Variants in SETD7 observed in about 807,000 individuals in gnomAD.
SETD7 encodes SET domain containing 7, histone lysine methyltransferase.
SETD7 carries 16 observed loss-of-function variants against 41.8 expected under a neutral mutation model. That is an observed-to-expected ratio of 0.38 (90% CI 0.26 to 0.58). SETD7 has a LOEUF of 0.58. Ranked by LOEUF, SETD7 falls within the 20% of genes least tolerant of loss-of-function variation. The probability of loss-of-function intolerance (pLI) is 0.64; values close to 1 mark genes in which losing one functional copy is unlikely to be tolerated. For synonymous variants in SETD7, 163 were observed against 169.7 expected (o/e 0.96, Z 0.31); for missense variants, 346 against 459.7 (o/e 0.75, Z 2.26).
At chr4:139,519,018 C>A (rs1029994220) in intron 6 of SETD7, among the ~76,000 whole-genome samples, 20 of 152,136 alleles carry the variant, frequency 1.3e-4, no homozygotes, top group Admixed American at 3.9e-4. Flanking sequence ...TGTGATAGTC[C>A]CTCAACTGAT....
At chr4:139,538,472 GGT>G (rs917550158) in intron 2 of SETD7, among the ~76,000 whole-genome samples, 4 of 152,120 alleles carry the variant, frequency 2.6e-5, no homozygotes, top group African/African-American at 7.2e-5. Context: ...TGGGATTACA[GGT>G]GTGTGCCACC....
exon 8 of SETD7, chr4:139,496,340 CT>C (rs1560668648): frequency 2.9e-6 from 2 of 701,022 alleles, no homozygotes; most frequent in Non-Finnish European, 5.2e-6. Context: ...ATTCCATTCG[CT>C]TTTATCTTTT....
chr4:139,523,239 G>T, intron 5 of SETD7, 115 bp downstream of exon 5: 1 of 650,870 alleles, frequency 1.5e-6, no homozygotes, highest in Non-Finnish European at 2.7e-6. Flanking sequence ...TGAGGAGCTT[G>T]GTCTGAGCTG....
chr4:139,501,675 G>T (rs949117967), downstream of SETD7, among the ~76,000 whole-genome samples: 18 of 152,156 alleles, frequency 1.2e-4, no homozygotes, highest in African/African-American at 4.3e-4. Context: ...CACATCACAT[G>T]CCTAGAAAGT....
chr4:139,523,555 CCAA>C, intron 4 of SETD7, 120 bp from the exon 5 acceptor site: 1 of 614,208 alleles, frequency 1.6e-6, no homozygotes, highest in South Asian at 2.5e-5. Flanking sequence ...TCAAGTTATA[CCAA>C]CTAGAATGAA....
At chr4:139,519,594 C>T (rs1409809406) in intron 6 of SETD7, among the ~76,000 whole-genome samples, 2 of 152,202 alleles carry the variant, frequency 1.3e-5, no homozygotes, top group African/African-American at 4.8e-5. Flanking sequence ...AGCATTTTCC[C>T]TCTTACTGTT....
At chr4:139,503,061 C>A (rs1352324551), downstream of SETD7, among the ~76,000 whole-genome samples, 1 of 151,440 alleles carries the variant, frequency 6.6e-6, no homozygotes, top group Non-Finnish European at 1.5e-5. Context: ...TCCTGTAGTC[C>A]CAGCTACTTG....
At position 139,530,711 on chromosome 4, in the gene SETD7, A is replaced by G. The variant is rs538761414; in HGVS notation, c.373-1491T>C. Among the ~76,000 whole-genome samples the G allele has an allele frequency of 2.0e-5, 3 of 152,296 alleles. No individual in the cohort carries two copies. The East Asian group carries it at 5.8e-4, about 29-fold the overall frequency. On this transcript the variant is annotated intron_variant, in intron 3 of 7. Transcript: ENST00000274031. The stretch of plus-strand genomic sequence containing the variant: ...CTCACACCTTTCCCCTTAAATGTTT[A>G]AATTTCTGGTTTCAGAGGGAGTGAA...
rs1255955281 is a variant in SETD7, at chr4:139,556,108, C to T, written c.30G>A (p.Glu10=). The change falls in exon 1 of 8, where the codon GAG becomes GAA. Residue 10 remains glutamate (E), a synonymous_variant. Transcript: ENST00000274031. MDSDDEMVE[E]AVEGHLDDDG... ...GAGAAATGCTTGTACCTTCCACCGCCTCCTCCACCATCTCGTCGTCGCTAT... is the reference window on the plus strand; with the variant it reads ...GAGAAATGCTTGTACCTTCCACCGCTTCCTCCACCATCTCGTCGTCGCTAT... The T allele has an allele frequency of 4.4e-6, 7 of 1,604,240 alleles. No homozygotes were observed. The highest frequency in any genetic ancestry group is 6.0e-6 in the Non-Finnish European group (7 of 1,176,136).
chr4:139,507,009 T>G lies in SETD7; in HGVS notation c.*4654A>C, dbSNP rs3796634. On this transcript the variant is annotated 3_prime_UTR_variant, in exon 8 of 8. Coordinates refer to ENST00000274031, the MANE Select transcript of SETD7 (RefSeq NM_030648.4). ...CAGATGCTCCCCTCTCCTTCCTCTC[T>G]GCGAGGCAGAAGTCAGAAGGTAGAG... 3 of 152,902 alleles carry G rather than the reference T, an allele frequency of 2.0e-5. No individual in the cohort carries two copies. In the East Asian group the frequency reaches 5.8e-4, roughly 29 times the overall value. The allele number at this position is 152,902 out of a possible 1,614,324, so 9.5% of individuals were successfully genotyped here. A position where few individuals can be genotyped will look rare whatever the true frequency, so the allele number is the denominator to read the frequency against.
chr4:139,552,490 G>C (rs188602377), intron 1 of SETD7, among the ~76,000 whole-genome samples: 37 of 152,186 alleles, frequency 2.4e-4, no homozygotes, highest in Non-Finnish European at 4.7e-4. Flanking sequence ...CTGTCCTGCT[G>C]GCCACTGCCT....
At position 139,511,850 on chromosome 4, in the gene SETD7, A is replaced by G. The variant is rs564329309; in HGVS notation, c.921-7T>C. ...AAAACGGGGGTGGACAAACCTAAAC[A>G]TCAAGATGCACACAGTCATTCCCGG... On this transcript the variant is annotated splice_polypyrimidine_tract_variant and splice_region_variant and intron_variant, in intron 7 of 7. Transcript: ENST00000274031. 2.5e-6 allele frequency: 4 copies of G among 1,608,222 alleles called. No individual in the cohort carries two copies. The highest frequency in any genetic ancestry group is 2.7e-5 in the African/African-American group (2 of 74,768).
chr4:139,544,385 T>C (rs1727875211), intron 2 of SETD7, among the ~76,000 whole-genome samples: 1 of 152,086 alleles, frequency 6.6e-6, no homozygotes, highest in Non-Finnish European at 1.5e-5. Context: ...AATGAATGTA[T>C]TTCTAGCCTA....
chr4:139,548,935 A>T (rs1728037059), intron 1 of SETD7, among the ~76,000 whole-genome samples: 1 of 152,180 alleles, frequency 6.6e-6, no homozygotes, highest in Non-Finnish European at 1.5e-5. Flanking sequence ...ATGACATTTG[A>T]GTCATATGAA....
At chr4:139,545,054 A>G (rs925080282) in intron 2 of SETD7, among the ~76,000 whole-genome samples, 3 of 152,196 alleles carry the variant, frequency 2.0e-5, no homozygotes, top group Non-Finnish European at 2.9e-5. Flanking sequence ...CGAATAAAAA[A>G]ATTTGCAGAA....
intron 2 of SETD7, among the ~76,000 whole-genome samples, chr4:139,534,952 A>C (rs75336551): frequency 0.021 from 3,135 of 152,364 alleles, 105 homozygotes; most frequent in African/African-American, 0.072. Context: ...TATTTGTAGT[A>C]TCCCAAGGAG....
intron 7 of SETD7, among the ~76,000 whole-genome samples, chr4:139,517,432 G>A (rs985737904): frequency 8.8e-4 from 126 of 142,850 alleles, no homozygotes; most frequent in African/African-American, 3.3e-3. Context: ...CTGAGATCTC[G>A]CCATTGCACT....
chr4:139,544,270 G>A (rs1271379594), intron 2 of SETD7, among the ~76,000 whole-genome samples: 3 of 140,974 alleles, frequency 2.1e-5, no homozygotes, highest in Non-Finnish European at 4.8e-5. Flanking sequence ...TCCAGCCTGG[G>A]CAACGGAGTG....
intron 2 of SETD7, among the ~76,000 whole-genome samples, chr4:139,533,862 T>G (rs1253596530): frequency 6.6e-6 from 1 of 152,244 alleles, no homozygotes; most frequent in Non-Finnish European, 1.5e-5. Context: ...AAGTCACTAA[T>G]GTATTATTTA....
Sources: gnomAD v4.1 joint callset for allele counts (sites outside exome capture counted in the v4.1 genomes callset) on GRCh38, gnomAD v4.1.1 for gene constraint, MANE v1.5 for transcripts, NCBI Gene and HGNC (gene_info 2026-07-23, HGNC 2026-07-21) for gene names.